MAML3: variants seen among roughly 807,000 people sequenced by gnomAD.
The protein encoded by MAML3 is mastermind like transcriptional coactivator 3, also known as mastermind-like protein 3.
MAML3 carries 27 observed loss-of-function variants against 101.9 expected under a neutral mutation model. The ratio of observed to expected loss-of-function variants is 0.27; its 90% CI spans 0.20 to 0.37. MAML3 has a LOEUF of 0.37. Ranked by LOEUF, MAML3 falls within the 10% of genes least tolerant of loss-of-function variation. The pLI is 1.00. For missense variants in MAML3, 1,316 were observed against 1,444.9 expected, an observed-to-expected ratio of 0.91 and a Z score of 1.45; for synonymous variants, 501 against 555.9, an observed-to-expected ratio of 0.90 and a Z score of 1.39.
At chr4:139,825,589 T>C (rs1731047654) in intron 2 of MAML3, among the ~76,000 whole-genome samples, 1 of 152,146 alleles carries the variant, frequency 6.6e-6, no homozygotes, top group Non-Finnish European at 1.5e-5. Flanking sequence ...CAGGCAGCCA[T>C]GAGCTGGGTG....
chr4:140,139,943 G>A (rs1322400466), intron 1 of MAML3, among the ~76,000 whole-genome samples: 2 of 152,328 alleles, frequency 1.3e-5, no homozygotes, highest in East Asian at 1.9e-4. Context: ...ACTCCTCAGA[G>A]GGACAGTAGA....
chr4:139,916,414 G>A (rs1378606874), intron 1 of MAML3, among the ~76,000 whole-genome samples: 3 of 152,226 alleles, frequency 2.0e-5, no homozygotes, highest in Non-Finnish European at 4.4e-5. Flanking sequence ...CCCAATGCCA[G>A]CCTGATCCTG....
intron 1 of MAML3, among the ~76,000 whole-genome samples, chr4:140,100,331 A>G (rs1728234500): frequency 6.6e-6 from 1 of 152,192 alleles, no homozygotes; most frequent in Non-Finnish European, 1.5e-5. Flanking sequence ...ATCCATATCT[A>G]TGAGGGTCCA....
At chr4:140,017,720 T>C (rs1389323741) in intron 1 of MAML3, among the ~76,000 whole-genome samples, 2 of 132,962 alleles carry the variant, frequency 1.5e-5, no homozygotes, top group Non-Finnish European at 3.3e-5. Flanking sequence ...TCTGTTTATA[T>C]AACATTCTTG....
At chr4:140,143,051 G>A (rs1174480281) in intron 1 of MAML3, among the ~76,000 whole-genome samples, 1 of 152,226 alleles carries the variant, frequency 6.6e-6, no homozygotes, top group Non-Finnish European at 1.5e-5. Context: ...CTTGCAAGAA[G>A]ATACAAAGCA....
chr4:140,018,427 G>A (rs1310543755), intron 1 of MAML3, among the ~76,000 whole-genome samples: 1 of 152,134 alleles, frequency 6.6e-6, no homozygotes, highest in African/African-American at 2.4e-5. Context: ...AAACAATCTT[G>A]TTTATCTTAA....
chr4:139,792,330 C>T (rs1188817796), intron 2 of MAML3, among the ~76,000 whole-genome samples: 3 of 152,222 alleles, frequency 2.0e-5, no homozygotes, highest in East Asian at 3.9e-4. Context: ...ATATTTAAAA[C>T]AATATAGATG....
chr4:139,792,946 C>T (rs1730444393), intron 2 of MAML3, among the ~76,000 whole-genome samples: 3 of 152,082 alleles, frequency 2.0e-5, no homozygotes, highest in South Asian at 4.2e-4. Flanking sequence ...CGGGGTTTCA[C>T]CATGTTAGCC....
chr4:140,111,848 ATTTG>A (rs1372295100), intron 1 of MAML3, among the ~76,000 whole-genome samples: 2 of 152,100 alleles, frequency 1.3e-5, no homozygotes, highest in Non-Finnish European at 2.9e-5. Context: ...GAGTGGAAGT[ATTTG>A]TTCTCCTCTT....
intron 2 of MAML3, among the ~76,000 whole-genome samples, chr4:139,850,989 T>C (rs548555643): frequency 2.0e-5 from 3 of 152,190 alleles, no homozygotes; most frequent in South Asian, 2.1e-4. Flanking sequence ...TAAGAGCCTC[T>C]TTCCAGAAAA....
At chr4:139,891,085 A>G in intron 1 of MAML3, 118 bp from the exon 2 acceptor site, 2 of 1,187,852 alleles carry the variant, frequency 1.7e-6, no homozygotes, top group Non-Finnish European at 2.3e-6. Context: ...CACAGGAAAG[A>G]AGTCATACTT....
rs1728179078 is a variant in MAML3 at position 139,720,224 on chromosome 4, C to G, written c.2516G>C (p.Gly839Ala). ...CATCGTCCCAGGGTTCTGGGAGGGT[C>G]CTATTCCCATCATGCCTGCGTTCTG... ...MAQNAGMMGIGPSQNPGTMAT... is the reference protein window; with the variant it reads ...MAQNAGMMGIAPSQNPGTMAT... The change falls in exon 5 of 5, where the codon GGA (glycine) becomes GCA (alanine). Residue 839 changes from glycine (G) to alanine (A), a missense_variant. Physicochemically the swap from Gly to Ala is moderately conservative, Grantham distance 60. Coordinates refer to ENST00000509479, the MANE Select transcript of MAML3 (RefSeq NM_018717.5). 2 of 1,612,586 alleles carry G rather than the reference C, an allele frequency of 1.2e-6. No homozygotes were observed. Among genetic ancestry groups the G allele is most frequent in the Non-Finnish European group, 1.7e-6 (2 of 1,178,888 alleles).
rs186748056 is a variant in MAML3 at position 139,731,384 on chromosome 4, C to T, written c.2080-717G>A. ...GAGGCCCAGTACTTTGGGTGGATCA[C>T]GAGGTCAGTTCGAGACCAGCTTGGC... On this transcript the variant is annotated intron_variant, in intron 2 of 4. Coordinates refer to ENST00000509479, the MANE Select transcript of MAML3 (RefSeq NM_018717.5). The T allele has an allele frequency of 9.2e-3, 1,233 of 133,902 alleles. 7 individuals are homozygous for T. The highest frequency in any genetic ancestry group is 0.014 in the Non-Finnish European group (913 of 66,312). 8.3% of individuals were successfully genotyped at this position (133,902 alleles called of 1,614,324 possible).
intron 1 of MAML3, among the ~76,000 whole-genome samples, chr4:140,132,320 C>G (rs1728809089): frequency 6.6e-6 from 1 of 152,210 alleles, no homozygotes; most frequent in Admixed American, 6.5e-5. Flanking sequence ...CGTTGCAAAG[C>G]TTGGCCTATC....
chr4:140,032,062 G>C (rs2110892757), intron 1 of MAML3, among the ~76,000 whole-genome samples: 1 of 152,224 alleles, frequency 6.6e-6, no homozygotes, highest in Admixed American at 6.5e-5. Flanking sequence ...ATGAAACTTG[G>C]ATCTTAACTC....
chr4:140,003,134 G>A (rs556507785), intron 1 of MAML3, among the ~76,000 whole-genome samples: 44 of 152,318 alleles, frequency 2.9e-4, no homozygotes. Flanking sequence ...GAGCTGGAAG[G>A]AACTTGGCAT....
intron 1 of MAML3, among the ~76,000 whole-genome samples, chr4:140,029,532 G>C (rs1361703336): frequency 6.6e-6 from 1 of 151,982 alleles, no homozygotes; most frequent in Non-Finnish European, 1.5e-5. Flanking sequence ...ACCTTGTATT[G>C]TAGCACAAAA....
intron 1 of MAML3, among the ~76,000 whole-genome samples, chr4:139,893,567 C>A (rs1056131788): frequency 6.6e-6 from 1 of 152,146 alleles, no homozygotes; most frequent in African/African-American, 2.4e-5. Context: ...TGGAATGAAT[C>A]ATTCTATTGT....
chr4:139,942,158 G>C (rs1733618996), intron 1 of MAML3, among the ~76,000 whole-genome samples: 1 of 146,552 alleles, frequency 6.8e-6, no homozygotes, highest in Non-Finnish European at 1.5e-5. Context: ...AGGAAGGACG[G>C]AGGGAGGGAG....
Sources: allele counts gnomAD v4.1 joint callset (sites outside exome capture counted in the v4.1 genomes callset), GRCh38; gene constraint gnomAD v4.1.1; transcripts MANE v1.5; gene names NCBI Gene and HGNC (gene_info 2026-07-23, HGNC 2026-07-21).